RAB10: variants seen among roughly 807,000 people sequenced by gnomAD.
RAB10 encodes the protein ras-related protein Rab-10.
Under a neutral mutation model 25.7 loss-of-function variants are expected in RAB10, and 5 were observed. The observed-to-expected ratio is 0.19, with a 90% CI of 0.10 to 0.41. The LOEUF is 0.41. Among genes scored for constraint, RAB10 ranks in the 10% least tolerant of loss-of-function variants. RAB10 has a pLI of 1.00. For synonymous variants in RAB10, 89 were observed against 86.4 expected (o/e 1.03, Z -0.16); for missense variants, 103 against 245.8 (o/e 0.42, Z 3.89).
intron 1 of RAB10, among the ~76,000 whole-genome samples, chr2:26,045,535 G>A (rs1330351774): frequency 1.3e-5 from 2 of 148,154 alleles, no homozygotes; most frequent in African/African-American, 5.3e-5. Context: ...CACCGCGCCC[G>A]GCCGTCTAAC....
In RAB10 at chr2:26,034,500, C is replaced by G; in HGVS notation, c.-109C>G. On this transcript the variant is annotated 5_prime_UTR_variant, in exon 1 of 6. Coordinates refer to ENST00000264710, the MANE Select transcript of RAB10 (RefSeq NM_016131.5). ...CGCGCCGTCTCGAGCCTTTTTCCCA[C>G]GCTTCCCCGGTCCTCCGGCCTGAGA... The G allele has an allele frequency of 6.8e-7, 1 of 1,466,272 alleles. No individual in the cohort carries two copies. The highest frequency in any genetic ancestry group is 9.2e-7 in the Non-Finnish European group (1 of 1,084,962). The allele number at this position is 1,466,272 out of a possible 1,614,324, so 90.8% of individuals were successfully genotyped here.
intron 1 of RAB10, among the ~76,000 whole-genome samples, chr2:26,037,055 C>T (rs1378461332): frequency 2.0e-5 from 3 of 152,080 alleles, no homozygotes; most frequent in Non-Finnish European, 2.9e-5. Flanking sequence ...GGATTACAGG[C>T]GTGAGCCACC....
chr2:26,120,081 C>A (rs183079541), intron 3 of RAB10, among the ~76,000 whole-genome samples: 1 of 152,170 alleles, frequency 6.6e-6, no homozygotes, highest in Non-Finnish European at 1.5e-5. Flanking sequence ...TTATTGGCTT[C>A]GGCTTCGTTC....
intron 1 of RAB10, among the ~76,000 whole-genome samples, chr2:26,076,681 C>T (rs1666742758): frequency 1.3e-5 from 2 of 152,222 alleles, no homozygotes; most frequent in East Asian, 1.9e-4. Context: ...CGGTGGCTCA[C>T]GCCTGTAATC....
chr2:26,117,994 C>T (rs1349132605), intron 3 of RAB10, among the ~76,000 whole-genome samples: 2 of 151,904 alleles, frequency 1.3e-5, no homozygotes, highest in African/African-American at 4.8e-5. Context: ...TTTTTTGAGA[C>T]GGAGTCTTGC....
intron 2 of RAB10, among the ~76,000 whole-genome samples, chr2:26,105,491 C>G (rs1667448843): frequency 1.3e-5 from 2 of 151,978 alleles, no homozygotes. Flanking sequence ...CCCATCTCTA[C>G]TAAAAATATT....
intron 1 of RAB10, among the ~76,000 whole-genome samples, chr2:26,079,138 G>C (rs1461146149): frequency 6.6e-6 from 1 of 152,142 alleles, no homozygotes; most frequent in East Asian, 1.9e-4. Context: ...GGCGAGCTGA[G>C]ATTGTGCCAT....
At chr2:26,043,326 G>A (rs917944772) in intron 1 of RAB10, among the ~76,000 whole-genome samples, 1 of 152,172 alleles carries the variant, frequency 6.6e-6, no homozygotes, top group African/African-American at 2.4e-5. Flanking sequence ...GGAGGCTGAG[G>A]TGAGAGGATC....
chr2:26,057,620 T>TTTCATTCA (rs5741517), intron 1 of RAB10, among the ~76,000 whole-genome samples: 32 of 149,196 alleles, frequency 2.1e-4, no homozygotes, highest in African/African-American at 7.0e-4. Flanking sequence ...GGCAAGTTTC[T>TTTCATTCA]TTCATTCATT....
chr2:26,098,896 C>A lies in RAB10; in HGVS notation c.188+174C>A, dbSNP rs559856043. 2.6e-5 allele frequency among the ~76,000 whole-genome samples: 4 copies of A among 152,256 alleles called. No homozygotes were observed. The East Asian group carries it at 7.7e-4, about 29-fold the overall frequency. On this transcript the variant is annotated intron_variant, in intron 2 of 5. Transcript: ENST00000264710. ...TTGCATGGACTTAAGTCCATGAGATCTAATAATCTTTTCTACTTACCGTGT... is the reference window on the plus strand; with the variant it reads ...TTGCATGGACTTAAGTCCATGAGATATAATAATCTTTTCTACTTACCGTGT...
intron 2 of RAB10, among the ~76,000 whole-genome samples, chr2:26,106,053 A>G (rs1667458633): frequency 6.6e-6 from 1 of 152,370 alleles, no homozygotes; most frequent in East Asian, 1.9e-4. Flanking sequence ...TGGATGATAT[A>G]TAAAGAGGAA....
chr2:26,133,802 T>A (rs1668054852), intron 5 of RAB10, among the ~76,000 whole-genome samples: 1 of 151,924 alleles, frequency 6.6e-6, no homozygotes, highest in Non-Finnish European at 1.5e-5. Context: ...GCCTCCCGAG[T>A]AGCTGGGATT....
At chr2:26,055,137 G>C (rs1666229727) in intron 1 of RAB10, among the ~76,000 whole-genome samples, 1 of 152,026 alleles carries the variant, frequency 6.6e-6, no homozygotes, top group Non-Finnish European at 1.5e-5. Flanking sequence ...AAGCACTAGG[G>C]ATGCAATGGT....
chr2:26,131,184 A>C (rs1000960262), intron 5 of RAB10, among the ~76,000 whole-genome samples: 2 of 152,044 alleles, frequency 1.3e-5, no homozygotes, highest in African/African-American at 4.8e-5. Context: ...GGGGTGTCCA[A>C]TCTTTTGGCT....
At chr2:26,110,042 A>G in intron 3 of RAB10, 136 bp downstream of exon 3, 3 of 1,086,194 alleles carry the variant, frequency 2.8e-6, no homozygotes, top group Non-Finnish European at 3.7e-6. Flanking sequence ...TCTATTTTCT[A>G]AAAGTTAATG....
At chr2:26,084,365 A>C (rs1666933816) in intron 1 of RAB10, among the ~76,000 whole-genome samples, 1 of 152,190 alleles carries the variant, frequency 6.6e-6, no homozygotes, top group Non-Finnish European at 1.5e-5. Context: ...GTGTGTAGTA[A>C]GTGTGGTTTA....
chr2:26,052,470 A>T (rs956244956), intron 1 of RAB10, among the ~76,000 whole-genome samples: 1 of 114,546 alleles, frequency 8.7e-6, no homozygotes, highest in African/African-American at 3.4e-5. Flanking sequence ...CCGTGAGCCA[A>T]TTTTTTTTTT....
intron 1 of RAB10, among the ~76,000 whole-genome samples, chr2:26,077,072 G>C (rs1229866622): frequency 2.0e-5 from 3 of 152,058 alleles, no homozygotes; most frequent in Non-Finnish European, 4.4e-5. Context: ...AACCACCTCT[G>C]GATATACATC....
At chr2:26,033,984 T>G (rs1574519849), upstream of RAB10, 4 of 397,840 alleles carry the variant, frequency 1.0e-5, no homozygotes, top group East Asian at 1.4e-4. Context: ...AGCATTCCAC[T>G]CGCCACTTCG....
Sources: gnomAD v4.1 joint callset for allele counts (sites outside exome capture counted in the v4.1 genomes callset) on GRCh38, gnomAD v4.1.1 for gene constraint, MANE v1.5 for transcripts, NCBI Gene and HGNC (gene_info 2026-07-23, HGNC 2026-07-21) for gene names.